Variants in MYH11 observed in about 807,000 individuals in gnomAD.
MYH11 encodes myosin-11.
A neutral mutation model predicts 246.6 loss-of-function variants in MYH11; 80 were observed. That is an observed-to-expected ratio of 0.32 (90% CI 0.27 to 0.39). The LOEUF (loss-of-function observed/expected upper bound fraction) is 0.39, where lower values mean the gene tolerates loss of function less well. MYH11 is among the 10% of genes least tolerant of loss of function. MYH11 has a pLI of 1.00. For missense variants in MYH11, 2,158 were observed against 2,546.8 expected (o/e 0.85, Z 3.29); for synonymous variants, 1,071 against 1,015.5 (o/e 1.05, Z -1.04).
chr16:15,716,187 C>T (rs549943402), intron 38 of MYH11, among the ~76,000 whole-genome samples: 2 of 152,256 alleles, frequency 1.3e-5, no homozygotes, highest in South Asian at 4.1e-4. Flanking sequence ...CCTACCTCAG[C>T]CTCCCAAAGT....
chr16:15,794,092 C>T (rs1197197973), intron 4 of MYH11, among the ~76,000 whole-genome samples: 3 of 148,342 alleles, frequency 2.0e-5, no homozygotes, highest in African/African-American at 5.0e-5. Flanking sequence ...TACAGGCACC[C>T]GCCACCATGC....
At position 15,720,823 on chromosome 16, in the gene MYH11, C is replaced by A. The variant is rs189463893; in HGVS notation, c.4791+16G>T. The A allele has an allele frequency of 3.6e-4, 585 of 1,612,680 alleles. No individual in the cohort carries two copies. The highest frequency in any genetic ancestry group is 1.1e-3 in the Admixed American group (64 of 60,000). ...CCACCCGACCTCCCTCTGCTGGCCT[C>A]CCCGGCAGCACGCACCTGTCTCTGC... is the stretch of plus-strand genomic sequence containing the variant. On this transcript the variant is annotated intron_variant, in intron 33 of 40. Coordinates refer to ENST00000300036, the MANE Select transcript of MYH11 (RefSeq NM_002474.3).
chr16:15,791,300 T>C (rs1334483221), intron 4 of MYH11: 2 of 152,246 alleles, frequency 1.3e-5, no homozygotes, highest in Non-Finnish European at 2.9e-5. Flanking sequence ...CAGCTGGTCC[T>C]GGCTCCCAGG....
chr16:15,760,704 G>C (rs1428734256), intron 10 of MYH11, 46 bp from the exon 11 acceptor site: 1 of 1,310,404 alleles, frequency 7.6e-7, no homozygotes, highest in African/African-American at 1.4e-5. Flanking sequence ...AAAAGAAATA[G>C]CTTGGCAAGA....
At chr16:15,780,639 C>T (rs566351628) in intron 6 of MYH11, among the ~76,000 whole-genome samples, 3 of 151,738 alleles carry the variant, frequency 2.0e-5, no homozygotes, top group East Asian at 3.9e-4. Context: ...TGTGTCACTG[C>T]GCCCAGCTAA....
intron 35 of MYH11, 35 bp downstream of exon 35, chr16:15,719,550 G>GC: frequency 6.2e-7 from 1 of 1,613,066 alleles, no homozygotes; most frequent in Non-Finnish European, 8.5e-7. Context: ...CGTGACACCC[G>GC]CATCTGAGGC....
intron 9 of MYH11, among the ~76,000 whole-genome samples, chr16:15,768,554 TC>T (rs1283412313): frequency 6.6e-6 from 1 of 152,216 alleles, no homozygotes; most frequent in African/African-American, 2.4e-5. Context: ...CTATGAGAGT[TC>T]GTCATTTGCA....
intron 3 of MYH11, among the ~76,000 whole-genome samples, chr16:15,810,159 G>A (rs1053388873): frequency 8.6e-5 from 13 of 151,438 alleles, no homozygotes; most frequent in Non-Finnish European, 2.9e-5. Flanking sequence ...TCAGCCTCCC[G>A]AGTAGCTGGG....
At chr16:15,782,294 C>T in intron 6 of MYH11, 91 bp downstream of exon 6, 1 of 1,089,484 alleles carries the variant, frequency 9.2e-7, no homozygotes, top group Admixed American at 1.7e-5. Context: ...GTCAGATGCC[C>T]CTCCCACCTC....
chr16:15,852,162 T>C (rs187333144), intron 1 of MYH11, among the ~76,000 whole-genome samples: 54 of 152,150 alleles, frequency 3.5e-4, no homozygotes, highest in Admixed American at 2.4e-3. Flanking sequence ...AGGTTGTACG[T>C]TCCTTATGAG....
intron 1 of MYH11, among the ~76,000 whole-genome samples, chr16:15,851,475 G>C (rs2044327334): frequency 6.6e-6 from 1 of 152,084 alleles, no homozygotes; most frequent in African/African-American, 2.4e-5. Flanking sequence ...ACCCCCACTT[G>C]TAAAATTTGG....
At chr16:15,734,637 AT>A (rs1290312555) in intron 26 of MYH11, among the ~76,000 whole-genome samples, 1 of 152,126 alleles carries the variant, frequency 6.6e-6, no homozygotes, top group Non-Finnish European at 1.5e-5. Context: ...TAGTTTTCAA[AT>A]TGTTCTCTGA....
intron 6 of MYH11, among the ~76,000 whole-genome samples, chr16:15,780,271 TG>T (rs765487404): frequency 4.4e-4 from 62 of 142,522 alleles, no homozygotes; most frequent in East Asian, 1.5e-3. Flanking sequence ...TGTCACATGT[TG>T]GGGGGGGGCC....
intron 19 of MYH11, among the ~76,000 whole-genome samples, chr16:15,745,582 C>CTTTCT (rs1370042284): frequency 5.3e-5 from 5 of 94,412 alleles, no homozygotes; most frequent in Admixed American, 2.5e-4. Flanking sequence ...TTCTTTCTTT[C>CTTTCT]TTTTTTTTTT....
At chr16:15,716,274 C>T (rs1567685951) in intron 38 of MYH11, among the ~76,000 whole-genome samples, 1 of 152,046 alleles carries the variant, frequency 6.6e-6, no homozygotes, top group South Asian at 2.1e-4. Context: ...CTCAAAATGA[C>T]TGTGGTGATC....
At chr16:15,745,951 C>G (rs1281328130) in intron 19 of MYH11, among the ~76,000 whole-genome samples, 7 of 143,846 alleles carry the variant, frequency 4.9e-5, no homozygotes, top group Admixed American at 4.1e-4. Context: ...GGGTCTGGCT[C>G]TGCGGCCCAG....
At chr16:15,715,130 G>GGGGGCTC (rs765378414) in intron 39 of MYH11, 34 bp downstream of exon 39, 43 of 1,611,986 alleles carry the variant, frequency 2.7e-5, no homozygotes, top group Non-Finnish European at 3.6e-5. Flanking sequence ...GCTGGGGGCT[G>GGGGGCTC]GGGGCTCGAG....
chr16:15,750,468 A>G lies in MYH11; in HGVS notation c.1865-137T>C. ...ATCACCAACGCCTCCTTCGGCAGTC[A>G]GGGTTTCCAAGTATTGTCTATTGGG... On this transcript the variant is annotated intron_variant, in intron 15 of 40. Transcript: ENST00000300036. The surrounding 1 kb of genome is among the most constrained non-coding windows in gnomAD (Gnocchi z 4.3). The G allele has an allele frequency of 2.4e-6, 2 of 838,216 alleles. No individual in the cohort carries two copies. The highest frequency in any genetic ancestry group is 3.1e-5 in the South Asian group (2 of 64,154). The allele number at this position is 838,216 out of a possible 1,614,324, so 51.9% of individuals were successfully genotyped here. A position where few individuals can be genotyped will look rare whatever the true frequency, so the allele number is the denominator to read the frequency against.
intron 2 of MYH11, among the ~76,000 whole-genome samples, chr16:15,831,464 G>GGGGT (rs138443794): frequency 5.5e-4 from 80 of 145,690 alleles, no homozygotes; most frequent in South Asian, 1.1e-3. Flanking sequence ...TTATGTTTGG[G>GGGGT]GTGTGTGTGT....
Sources: gnomAD v4.1 joint callset for allele counts (sites outside exome capture counted in the v4.1 genomes callset) on GRCh38, gnomAD v4.1.1 for gene constraint, Gnocchi (gnomAD v3.1) non-coding constraint, MANE v1.5 for transcripts, NCBI Gene and HGNC (gene_info 2026-07-23, HGNC 2026-07-21) for gene names.